BROX: variants seen among roughly 807,000 people sequenced by gnomAD.
BROX encodes the protein BRO1 domain and CAAX motif containing.
A neutral mutation model predicts 61.0 loss-of-function variants in BROX; 53 were observed. The ratio of observed to expected loss-of-function variants is 0.87; its 90% confidence interval spans 0.70 to 1.09. The LOEUF (loss-of-function observed/expected upper bound fraction) is 1.09. BROX is among the 50% of genes least tolerant of loss of function. The pLI is 0.00. For missense variants in BROX, 489 were observed against 472.0 expected (o/e 1.04, Z -0.33); for synonymous variants, 152 against 160.2 (o/e 0.95, Z 0.38).
rs764096783 is a variant in BROX at position 222,730,176 on chromosome 1, A to G, written c.988A>G (p.Ile330Val). 2 of 1,589,240 alleles carry G rather than the reference A, an allele frequency of 1.3e-6. No homozygotes were observed. ...AAAATGTCAGAGAGAAAATGGATTT[A>G]TGTGAGTACAGTTTAATATTACTTT... ...LEKCQRENGF[I>V]YFQKIPTEAP... Residue 330 changes from isoleucine (I) to valine (V), a missense_variant and splice_region_variant, in exon 11 of 13, where the codon ATT becomes GTT. Physicochemically the swap from Ile to Val is conservative, Grantham distance 29. Coordinates refer to ENST00000340934, the MANE Select transcript of BROX (RefSeq NM_144695.4).
intron 4 of BROX, among the ~76,000 whole-genome samples, chr1:222,721,037 T>TAC (rs1396393716): frequency 6.6e-6 from 1 of 152,224 alleles, no homozygotes; most frequent in African/African-American, 2.4e-5. Context: ...TGACTACTAC[T>TAC]TTTATGTGGT....
At chr1:222,717,030 A>G (rs74472540) in intron 2 of BROX, among the ~76,000 whole-genome samples, 3,160 of 152,328 alleles carry the variant, frequency 0.021, 102 homozygotes, top group African/African-American at 0.072. Context: ...TGCCGCTTTT[A>G]TGGGAAGAAG....
In BROX at chr1:222,728,849, AAAC is replaced by A. The variant is rs549214947; in HGVS notation, c.756+24_756+26del. On this transcript the variant is annotated intron_variant, in intron 9 of 12. Transcript: ENST00000340934. ...CTTATGTAAGTATTCACAACGCTAA[AAAC>A]AATGTAAATTATTGTTTCTCCAGCC... 1,212 of 1,517,064 alleles carry A rather than the reference AAAC, an allele frequency of 8.0e-4. 1 individual carries two copies. Among genetic ancestry groups the A allele is most frequent in the Non-Finnish European group, 1.1e-3 (1,166 of 1,104,674 alleles). 94.0% of individuals were successfully genotyped at this position (1,517,064 alleles called of 1,614,324 possible).
intron 2 of BROX, among the ~76,000 whole-genome samples, chr1:222,718,333 A>C (rs971245381): frequency 3.3e-5 from 5 of 152,210 alleles, no homozygotes; most frequent in Non-Finnish European, 7.4e-5. Context: ...AGCAGTTTTA[A>C]AACAACTGAT....
chr1:222,717,082 A>T (rs905625646), intron 2 of BROX, among the ~76,000 whole-genome samples: 3 of 152,240 alleles, frequency 2.0e-5, no homozygotes, highest in Non-Finnish European at 4.4e-5. Context: ...ATTAATCTAA[A>T]CCAATGGTCA....
intron 1 of BROX, chr1:222,713,916 T>C (rs1219560454): frequency 1.3e-5 from 2 of 152,170 alleles, no homozygotes; most frequent in Non-Finnish European, 2.9e-5. Context: ...CACACTGTAT[T>C]CTCTATTCAT....
At chr1:222,717,955 T>G (rs1656761442) in intron 2 of BROX, 1 of 152,232 alleles carries the variant, frequency 6.6e-6, no homozygotes, top group Non-Finnish European at 1.5e-5. Flanking sequence ...TCAAGGGTCT[T>G]TGGTCATACC....
chr1:222,712,603 C>G lies in BROX; in HGVS notation c.-356C>G. ...CGCCATCGCTATTGCGGCATTCTCC[C>G]TCGGCTCCGGAGGTAGGGGCAACTC... is the stretch of plus-strand genomic sequence containing the variant. On this transcript the variant is annotated 5_prime_UTR_variant, in exon 1 of 13. Coordinates refer to ENST00000340934, the MANE Select transcript of BROX (RefSeq NM_144695.4). 2 of 1,348,462 alleles carry G rather than the reference C, an allele frequency of 1.5e-6. No homozygotes were observed. The highest frequency in any genetic ancestry group is 1.9e-6 in the Non-Finnish European group (2 of 1,034,210). 83.5% of individuals were successfully genotyped at this position (1,348,462 alleles called of 1,614,324 possible).
intron 9 of BROX, 87 bp downstream of exon 9, chr1:222,728,915 C>A: frequency 1.1e-6 from 1 of 906,620 alleles, no homozygotes; most frequent in Non-Finnish European, 1.6e-6. Context: ...CAGAGTCTTT[C>A]ATTAGCATTT....
Position 222,719,300 on chromosome 1 carries a change from C to T in BROX, c.246C>T (p.Ser82=), listed in dbSNP as rs2125007776. The T allele has an allele frequency of 1.2e-6, 2 of 1,608,130 alleles. No individual in the cohort carries two copies. Among genetic ancestry groups the T allele is most frequent in the East Asian group, 4.5e-5 (2 of 44,756 alleles). ...CTTTGGATGAATCTACCCAAGAAAG[C>T]AAGTTACGATATATTCAAAATTTCA... The part of the protein sequence containing the change: ...INSLDESTQE[S]KLRYIQNFKW... The change falls in exon 4 of 13, where the codon AGC becomes AGT. Residue 82 remains serine (S), a synonymous_variant. Transcript: ENST00000340934.
At chr1:222,713,562 T>A in intron 1 of BROX, 1 of 527,942 alleles carries the variant, frequency 1.9e-6, no homozygotes, top group Non-Finnish European at 2.4e-6. Context: ...TGCGGGTGGG[T>A]GTGTCGTTCT....
intron 7 of BROX, among the ~76,000 whole-genome samples, chr1:222,726,431 TG>T (rs1657504044): frequency 6.6e-6 from 1 of 151,986 alleles, no homozygotes; most frequent in African/African-American, 2.4e-5. Context: ...ATTAGCCAGT[TG>T]GCTGGGTGTG....
At chr1:222,728,882 G>C in intron 9 of BROX, 54 bp downstream of exon 9, 1 of 1,324,568 alleles carries the variant, frequency 7.5e-7, no homozygotes, top group Non-Finnish European at 1.1e-6. Context: ...CCAGCCCTTG[G>C]AGTGCCAGGT....
chr1:222,724,831 G>A (rs1389674804), intron 6 of BROX, among the ~76,000 whole-genome samples: 1 of 152,066 alleles, frequency 6.6e-6, no homozygotes, highest in African/African-American at 2.4e-5. Flanking sequence ...GTCTTGCACT[G>A]TCGCCCGGGC....
rs1224904938 is a variant in BROX, at chr1:222,733,763, T to C, written c.*1049T>C. The C allele has an allele frequency of 6.6e-6, 1 of 152,184 alleles. No homozygotes were observed. Among genetic ancestry groups the C allele is most frequent in the East Asian group, 1.9e-4 (1 of 5,202 alleles). 9.4% of individuals were successfully genotyped at this position (152,184 alleles called of 1,614,324 possible). ...ATCTTTTTCTAGTGGGTTTTTTACT[T>C]AGAGGAAAGAACTTTGTAATAGCTC... On this transcript the variant is annotated 3_prime_UTR_variant, in exon 13 of 13. Transcript: ENST00000340934.
chr1:222,725,569 T>G lies in BROX; in HGVS notation c.580+14T>G. On this transcript the variant is annotated intron_variant, in intron 7 of 12. Transcript: ENST00000340934. ...AAGCTCAAGAAGGTATCCTAAATAT[T>G]GTAAGATTTTTTTAAATGAAAGTCT... 3 of 1,558,476 alleles carry G rather than the reference T, an allele frequency of 1.9e-6. No individual in the cohort carries two copies. The highest frequency in any genetic ancestry group is 2.6e-6 in the Non-Finnish European group (3 of 1,147,392).
intron 9 of BROX, 140 bp downstream of exon 9, chr1:222,728,968 A>T: frequency 5.5e-6 from 3 of 544,450 alleles, no homozygotes; most frequent in Non-Finnish European, 9.5e-6. Context: ...GTTCACTGAG[A>T]GTCAGTGCAA....
rs1658085623 is a variant in BROX, at chr1:222,733,247, A to G, written c.*533A>G. 1 of 150,718 alleles carries G rather than the reference A, an allele frequency of 6.6e-6. No individual in the cohort carries two copies. Among genetic ancestry groups the G allele is most frequent in the African/African-American group, 2.4e-5 (1 of 40,974 alleles). The allele number at this position is 150,718 out of a possible 1,614,324, so 9.3% of individuals were successfully genotyped here. ...AGGCACGCACCACTACACCCAGATA[A>G]TTTTTGTATTTTTAGTAGAGACGTG... On this transcript the variant is annotated 3_prime_UTR_variant, in exon 13 of 13. Transcript: ENST00000340934.
chr1:222,718,466 T>A (rs923042988), intron 2 of BROX, among the ~76,000 whole-genome samples: 6 of 152,186 alleles, frequency 3.9e-5, no homozygotes, highest in Non-Finnish European at 5.9e-5. Flanking sequence ...TATGTCAGAT[T>A]TAGAAACTTC....
Sources: gnomAD v4.1 joint callset for allele counts (sites outside exome capture counted in the v4.1 genomes callset) on GRCh38, gnomAD v4.1.1 for gene constraint, MANE v1.5 for transcripts, NCBI Gene and HGNC (gene_info 2026-07-23, HGNC 2026-07-21) for gene names.